The following RFX3 variants were observed in gnomAD, a reference collection of about 807,000 sequenced individuals.
RFX3 encodes transcription factor RFX3.
A neutral mutation model predicts 98.6 loss-of-function variants in RFX3; 14 were observed. The ratio of observed to expected loss-of-function variants is 0.14; its 90% CI spans 0.09 to 0.22. RFX3 has a LOEUF of 0.22. Among genes scored for constraint, RFX3 ranks in the 10% least tolerant of loss-of-function variants. The pLI, the probability that RFX3 is intolerant of heterozygous loss-of-function variation, is 1.00. For missense variants in RFX3, 639 were observed against 926.9 expected, an observed-to-expected ratio of 0.69 and a Z score of 4.03; for synonymous variants, 383 against 328.4, an observed-to-expected ratio of 1.17 and a Z score of -1.80.
At chr9:3,361,428 C>T (rs891649446) in intron 2 of RFX3, among the ~76,000 whole-genome samples, 3 of 151,870 alleles carry the variant, frequency 2.0e-5, no homozygotes, top group Non-Finnish European at 2.9e-5. Flanking sequence ...AAAAAGCATA[C>T]GGGAAAAACT....
chr9:3,378,688 C>G (rs4741826), intron 2 of RFX3, among the ~76,000 whole-genome samples: 30,519 of 151,284 alleles, frequency 0.2, 5,413 homozygotes, highest in African/African-American at 0.48. Flanking sequence ...TCCCAAGTAG[C>G]TAGGGTTACA....
At chr9:3,447,472 C>T (rs1846153740) in intron 1 of RFX3, among the ~76,000 whole-genome samples, 1 of 152,128 alleles carries the variant, frequency 6.6e-6, no homozygotes, top group Non-Finnish European at 1.5e-5. Flanking sequence ...AAGACTATTT[C>T]TCAAATGCTG....
intron 4 of RFX3, among the ~76,000 whole-genome samples, chr9:3,311,710 C>A (rs1361347922): frequency 6.6e-6 from 1 of 151,580 alleles, no homozygotes; most frequent in Non-Finnish European, 1.5e-5. Context: ...CATGGCAAAA[C>A]CTCATCTCTA....
In RFX3 at chr9:3,222,391, T is replaced by C. The variant is rs1447966985; in HGVS notation, c.*2651A>G. On this transcript the variant is annotated 3_prime_UTR_variant, in exon 17 of 17. Transcript: ENST00000617270. ...ACAAACCATGAACAATTGGAAGAAA[T>C]GTTGAATCCTGGAGCATCCCCGATC... is the stretch of plus-strand genomic sequence containing the variant. 6.6e-6 allele frequency: 1 copy of C among 152,170 alleles called. No homozygotes were observed. The highest frequency in any genetic ancestry group is 1.9e-4 in the East Asian group (1 of 5,206). The allele number at this position is 152,170 out of a possible 1,614,324, so 9.4% of individuals were successfully genotyped here. A position where few individuals can be genotyped will look rare whatever the true frequency, so the allele number is the denominator to read the frequency against.
chr9:3,320,374 G>A (rs1462185809), intron 4 of RFX3, among the ~76,000 whole-genome samples: 2 of 151,878 alleles, frequency 1.3e-5, no homozygotes, highest in African/African-American at 4.8e-5. Flanking sequence ...CCAAAACAGG[G>A]AAACCCCATG....
Position 3,220,030 on chromosome 9 carries a change from T to G in RFX3, c.*5012A>C, listed in dbSNP as rs540283513. On this transcript the variant is annotated 3_prime_UTR_variant, in exon 17 of 17. Transcript: ENST00000617270. ...AGCAATGGTGTAAGCAGACTGACATTTAGAGATATCAGAAGCAGTAGTCAT... is the reference window on the plus strand; with the variant it reads ...AGCAATGGTGTAAGCAGACTGACATGTAGAGATATCAGAAGCAGTAGTCAT... 6 of 152,246 alleles carry G rather than the reference T, an allele frequency of 3.9e-5. No individual in the cohort carries two copies. The highest frequency in any genetic ancestry group is 9.6e-5 in the African/African-American group (4 of 41,548). 9.4% of individuals were successfully genotyped at this position (152,246 alleles called of 1,614,324 possible). A position where few individuals can be genotyped will look rare whatever the true frequency, so the allele number is the denominator to read the frequency against.
At chr9:3,482,660 G>A (rs962624344) in intron 1 of RFX3, among the ~76,000 whole-genome samples, 1 of 152,048 alleles carries the variant, frequency 6.6e-6, no homozygotes, top group African/African-American at 2.4e-5. Context: ...TTTTTCAAAC[G>A]ATGGATTCAA....
At chr9:3,509,134 C>T (rs1346979352) in intron 1 of RFX3, among the ~76,000 whole-genome samples, 1 of 151,882 alleles carries the variant, frequency 6.6e-6, no homozygotes, top group African/African-American at 2.4e-5. Flanking sequence ...GCATAGTTGC[C>T]AGTATTGCGT....
chr9:3,505,344 A>T (rs1158835685), intron 1 of RFX3, among the ~76,000 whole-genome samples: 1 of 93,824 alleles, frequency 1.1e-5, no homozygotes, highest in Non-Finnish European at 2.0e-5. Flanking sequence ...TATATAAATA[A>T]AATATTTTAT....
At chr9:3,318,744 A>T (rs1422965392) in intron 4 of RFX3, among the ~76,000 whole-genome samples, 1 of 152,156 alleles carries the variant, frequency 6.6e-6, no homozygotes, top group East Asian at 1.9e-4. Flanking sequence ...TTTCAACCTG[A>T]AATTTTGGCA....
At chr9:3,383,863 T>A (rs920153485) in intron 2 of RFX3, among the ~76,000 whole-genome samples, 3 of 152,102 alleles carry the variant, frequency 2.0e-5, no homozygotes, top group Non-Finnish European at 4.4e-5. Context: ...CAACACACAT[T>A]TTCAAAGAAA....
chr9:3,523,026 T>C (rs1339367048), intron 1 of RFX3, among the ~76,000 whole-genome samples: 1 of 152,134 alleles, frequency 6.6e-6, no homozygotes, highest in Non-Finnish European at 1.5e-5. Context: ...AATGAAAACA[T>C]TGTGAAACGA....
At chr9:3,512,668 T>A (rs1482180614) in intron 1 of RFX3, among the ~76,000 whole-genome samples, 1 of 151,988 alleles carries the variant, frequency 6.6e-6, no homozygotes, top group Non-Finnish European at 1.5e-5. Context: ...CACCTTGTTA[T>A]AAAAATTTCC....
chr9:3,518,518 C>T (rs564198558), intron 1 of RFX3, among the ~76,000 whole-genome samples: 1 of 152,168 alleles, frequency 6.6e-6, no homozygotes, highest in Non-Finnish European at 1.5e-5. Flanking sequence ...AAAGAAAAGA[C>T]ATATAGTATC....
At position 3,460,434 on chromosome 9, in the gene RFX3, A is replaced by ATT. The variant is rs1587742868; in HGVS notation, c.-8-64840_-8-64839dup. Among the ~76,000 whole-genome samples, 3 of 151,966 alleles carry ATT rather than the reference A, an allele frequency of 2.0e-5. No individual in the cohort carries two copies. In the South Asian group the frequency reaches 6.2e-4, roughly 31 times the overall value. On this transcript the variant is annotated intron_variant, in intron 1 of 16. Transcript: ENST00000617270. Reference sequence around the variant, plus strand: ...AACATCACATAATAGATTTAATATTATTTTTTAAAAGTCCTTGTTCCATAA... The same window carrying ATT: ...AACATCACATAATAGATTTAATATTATTTTTTTTAAAAGTCCTTGTTCCATAA...
At chr9:3,519,410 G>T (rs144891219) in intron 1 of RFX3, among the ~76,000 whole-genome samples, 1 of 151,912 alleles carries the variant, frequency 6.6e-6, no homozygotes, top group Non-Finnish European at 1.5e-5. Context: ...AAACTTTTTG[G>T]GCTCATTAAA....
chr9:3,327,616 G>A (rs780765725), intron 4 of RFX3, among the ~76,000 whole-genome samples: 21 of 148,208 alleles, frequency 1.4e-4, no homozygotes, highest in South Asian at 2.1e-4. Context: ...TTAAAAAAAC[G>A]CAAAACAAAA....
chr9:3,330,222 A>T, intron 4 of RFX3, 37 bp downstream of exon 4: 1 of 1,608,880 alleles, frequency 6.2e-7, no homozygotes, highest in Non-Finnish European at 8.5e-7. Flanking sequence ...GAGACTATTA[A>T]AAGCTAAACT....
chr9:3,225,617 T>G (rs759632588), intron 16 of RFX3, among the ~76,000 whole-genome samples: 4 of 152,184 alleles, frequency 2.6e-5, no homozygotes, highest in Admixed American at 1.3e-4. Context: ...AATAGTCACT[T>G]TGGTATGTTA....
Sources: allele counts gnomAD v4.1 joint callset (sites outside exome capture counted in the v4.1 genomes callset), GRCh38; gene constraint gnomAD v4.1.1; transcripts MANE v1.5; gene names NCBI Gene and HGNC (gene_info 2026-07-23, HGNC 2026-07-21).